Variants in FBXL2 observed in about 807,000 individuals in gnomAD.
FBXL2 encodes F-box/LRR-repeat protein 2.
FBXL2 carries 38 observed loss-of-function variants against 69.2 expected under a neutral mutation model. The ratio of observed to expected loss-of-function variants is 0.55; its 90% CI spans 0.42 to 0.72. FBXL2 has a LOEUF of 0.72. Among genes scored for constraint, FBXL2 ranks in the 30% least tolerant of loss-of-function variants. The pLI is 0.00. For synonymous variants in FBXL2, 192 were observed against 201.3 expected, an observed-to-expected ratio of 0.95 and a Z score of 0.39; for missense variants, 354 against 520.3, an observed-to-expected ratio of 0.68 and a Z score of 3.11.
intron 10 of FBXL2, among the ~76,000 whole-genome samples, chr3:33,375,837 C>T (rs1009058139): frequency 6.6e-6 from 1 of 151,966 alleles, no homozygotes; most frequent in Non-Finnish European, 1.5e-5. Context: ...TAGCTTCTTC[C>T]CCAGTAGGAA....
At chr3:33,307,899 A>G (rs1192469040) in intron 2 of FBXL2, among the ~76,000 whole-genome samples, 1 of 152,130 alleles carries the variant, frequency 6.6e-6, no homozygotes, top group African/African-American at 2.4e-5. Flanking sequence ...AAAAGTTATA[A>G]ATTTATGAAT....
At chr3:33,392,332 C>T (rs573731152), downstream of FBXL2, 42 of 446,794 alleles carry the variant, frequency 9.4e-5, no homozygotes, top group African/African-American at 7.3e-4. Context: ...CTCAGTAAGA[C>T]GTTGGCTGAA....
At chr3:33,295,443 T>G (rs563917270) in intron 1 of FBXL2, among the ~76,000 whole-genome samples, 1 of 152,390 alleles carries the variant, frequency 6.6e-6, no homozygotes, top group East Asian at 1.9e-4. Flanking sequence ...CTGACTGATA[T>G]TCCACATTTT....
chr3:33,334,395 T>C lies in FBXL2; in HGVS notation c.66-24572T>C, dbSNP rs1276046068. On this transcript the variant is annotated intron_variant, in intron 2 of 14. Coordinates refer to ENST00000484457, the MANE Select transcript of FBXL2 (RefSeq NM_012157.5). ...ATAGAATTTCTATAACTGAAAAATCTCAAATTTTAAAAATCATTGAATAGG... is the reference window on the plus strand; with the variant it reads ...ATAGAATTTCTATAACTGAAAAATCCCAAATTTTAAAAATCATTGAATAGG... 2.0e-5 allele frequency among the ~76,000 whole-genome samples: 3 copies of C among 152,284 alleles called. No homozygotes were observed. The East Asian group carries it at 5.8e-4, about 29-fold the overall frequency.
intron 12 of FBXL2, chr3:33,402,829 G>T: frequency 6.2e-7 from 1 of 1,605,028 alleles, no homozygotes; most frequent in African/African-American, 1.3e-5. Context: ...GTGCTCTGCT[G>T]TGGGGAGGTG....
intron 2 of FBXL2, among the ~76,000 whole-genome samples, chr3:33,342,893 GT>G (rs60623868): frequency 0.018 from 1,832 of 99,258 alleles, 18 homozygotes; most frequent in Non-Finnish European, 0.028. Context: ...ACGCCCAGCT[GT>G]TTTTTTTTTT....
intron 2 of FBXL2, among the ~76,000 whole-genome samples, chr3:33,321,284 TG>T (rs35661180): frequency 0.097 from 14,237 of 147,404 alleles, 703 homozygotes; most frequent in African/African-American, 0.11. Context: ...CACTCCAGCC[TG>T]GGTGACAGAG....
downstream of FBXL2, chr3:33,391,605 T>G (rs190848800): frequency 6.6e-6 from 1 of 152,312 alleles, no homozygotes; most frequent in East Asian, 1.9e-4. Context: ...TACTTACCTC[T>G]TCAATGAGAT....
rs1472447061 is a variant in FBXL2, at chr3:33,346,120, G to C, written c.66-12847G>C. Among the ~76,000 whole-genome samples the C allele has an allele frequency of 4.6e-5, 7 of 152,184 alleles. No individual in the cohort carries two copies. In the South Asian group the frequency reaches 1.5e-3, roughly 32 times the overall value. On this transcript the variant is annotated intron_variant, in intron 2 of 14. Coordinates refer to ENST00000484457, the MANE Select transcript of FBXL2 (RefSeq NM_012157.5). The stretch of plus-strand genomic sequence containing the variant: ...CAGGTGCTTGTAATCCCAGCTACTT[G>C]GGAGGGTGAGGCAGGAGAATCGCTT...
intron 2 of FBXL2, among the ~76,000 whole-genome samples, chr3:33,338,511 C>T (rs930088572): frequency 6.6e-6 from 1 of 152,072 alleles, no homozygotes; most frequent in Non-Finnish European, 1.5e-5. Flanking sequence ...GTATCACCCA[C>T]ATGGACTTCA....
At chr3:33,309,184 T>C (rs899951694) in intron 2 of FBXL2, among the ~76,000 whole-genome samples, 6 of 152,222 alleles carry the variant, frequency 3.9e-5, no homozygotes, top group Non-Finnish European at 8.8e-5. Flanking sequence ...CTACTATCTC[T>C]ATCTACTATT....
At chr3:33,283,742 T>C (rs1290742127) in intron 1 of FBXL2, among the ~76,000 whole-genome samples, 1 of 152,220 alleles carries the variant, frequency 6.6e-6, no homozygotes, top group Non-Finnish European at 1.5e-5. Flanking sequence ...TATCAGTCTA[T>C]TTAGGGATTC....
chr3:33,407,585 C>T (rs1575469128), downstream of FBXL2, among the ~76,000 whole-genome samples: 2 of 148,946 alleles, frequency 1.3e-5, no homozygotes, highest in Admixed American at 1.3e-4. Context: ...GAAAATGTAA[C>T]GTGTGCTTCC....
chr3:33,364,233 TTG>T, intron 4 of FBXL2: 1 of 184,026 alleles, frequency 5.4e-6, no homozygotes, highest in Non-Finnish European at 1.2e-5. Flanking sequence ...TAAAGCAGCA[TTG>T]TCTTAGATCT....
At chr3:33,334,312 G>A (rs931813030) in intron 2 of FBXL2, among the ~76,000 whole-genome samples, 2 of 152,164 alleles carry the variant, frequency 1.3e-5, no homozygotes, top group African/African-American at 4.8e-5. Flanking sequence ...AAAGATGGAT[G>A]TAAGGATTGA....
chr3:33,299,209 T>C (rs2036036648), intron 2 of FBXL2, among the ~76,000 whole-genome samples: 1 of 151,934 alleles, frequency 6.6e-6, no homozygotes, highest in African/African-American at 2.4e-5. Flanking sequence ...GCCCAGCTGA[T>C]TTTTGTATTT....
At chr3:33,337,530 A>G (rs1260140153) in intron 2 of FBXL2, among the ~76,000 whole-genome samples, 7 of 152,228 alleles carry the variant, frequency 4.6e-5, no homozygotes, top group Non-Finnish European at 7.3e-5. Flanking sequence ...ACTCTTGTAA[A>G]TTATTCATGG....
At chr3:33,314,300 C>A (rs1004487932) in intron 2 of FBXL2, among the ~76,000 whole-genome samples, 13 of 152,204 alleles carry the variant, frequency 8.5e-5, no homozygotes, top group Admixed American at 1.3e-4. Context: ...AAAGTTTGTA[C>A]CGTTTGACCA....
chr3:33,416,768 T>A, the FBXL2 span: 1 of 1,613,034 alleles, frequency 6.2e-7, no homozygotes, highest in Non-Finnish European at 8.5e-7. Context: ...CTTTACTAAT[T>A]TTCCATTGAT....
Sources: allele counts gnomAD v4.1 joint callset (sites outside exome capture counted in the v4.1 genomes callset), GRCh38; gene constraint gnomAD v4.1.1; transcripts MANE v1.5; gene names NCBI Gene and HGNC (gene_info 2026-07-23, HGNC 2026-07-21).